KIF1A: variants seen among roughly 807,000 people sequenced by gnomAD.
KIF1A encodes kinesin family member 1A, also known as kinesin-like protein KIF1A.
A neutral mutation model predicts 227.3 loss-of-function variants in KIF1A; 46 were observed. That is an observed-to-expected ratio of 0.20 (90% CI 0.16 to 0.26). KIF1A has a LOEUF of 0.26. KIF1A is among the 10% of genes least tolerant of loss of function. The pLI is 1.00. For synonymous variants in KIF1A, 1,022 were observed against 1,012.8 expected (o/e 1.01, Z -0.17); for missense variants, 1,683 against 2,485.9 (o/e 0.68, Z 6.87).
intron 45 of KIF1A, 58 bp downstream of exon 45, chr2:240,720,856 A>C: frequency 1.3e-6 from 2 of 1,490,250 alleles, no homozygotes; most frequent in East Asian, 2.5e-5. Flanking sequence ...AGTCACGGCC[A>C]TGGTCATGGG....
chr2:240,739,292 A>G lies in KIF1A; in HGVS notation c.3901+766T>C, dbSNP rs968608651. 1.3e-5 allele frequency among the ~76,000 whole-genome samples: 2 copies of G among 152,224 alleles called. No homozygotes were observed. The highest frequency in any genetic ancestry group is 2.9e-5 in the Non-Finnish European group (2 of 68,036). On this transcript the variant is annotated intron_variant, in intron 37 of 48. Coordinates refer to ENST00000498729, the MANE Select transcript of KIF1A (RefSeq NM_001244008.2). The surrounding 1 kb of genome is among the most constrained non-coding windows in gnomAD (Gnocchi z 5.6). ...TGACTGTCTGCCTCCTTGAATGAAAACTGAGAAGACAAATTCTTTCCGCTT... is the reference window on the plus strand; with the variant it reads ...TGACTGTCTGCCTCCTTGAATGAAAGCTGAGAAGACAAATTCTTTCCGCTT...
chr2:240,723,967 ATACC>A lies in KIF1A; in HGVS notation c.4318+4_4318+7del. The A allele has an allele frequency of 6.2e-7, 1 of 1,610,714 alleles. No individual in the cohort carries two copies. The highest frequency in any genetic ancestry group is 8.5e-7 in the Non-Finnish European group (1 of 1,178,054). ...AACCCACCCAGTGAGAGCAGGGCAG[ATACC>A]TACCTGGGCTGCCCGCGTCAGCCAC... is the stretch of plus-strand genomic sequence containing the variant. On this transcript the variant is annotated splice_donor_5th_base_variant and intron_variant, in intron 41 of 48. Coordinates refer to ENST00000498729, the MANE Select transcript of KIF1A (RefSeq NM_001244008.2).
chr2:240,782,692 G>T, intron 9 of KIF1A, 85 bp from the exon 10 acceptor site: 1 of 1,390,028 alleles, frequency 7.2e-7, no homozygotes, highest in South Asian at 1.2e-5. Context: ...CGGCCCGGCT[G>T]CCTCGCCCTG....
intron 1 of KIF1A, among the ~76,000 whole-genome samples, chr2:240,800,212 A>G (rs757267046): frequency 3.3e-5 from 5 of 152,092 alleles, no homozygotes; most frequent in Non-Finnish European, 5.9e-5. Flanking sequence ...GCTCTCCCGT[A>G]TTGAAAAAAT....
rs1422731203 is a variant in KIF1A, at chr2:240,810,806, G to T, written c.-61+9316C>A. On this transcript the variant is annotated intron_variant, in intron 1 of 48. Transcript: ENST00000498729. ...GTGGAGGGGGTCTAAGGGCCTGGAC[G>T]CCACCAAGGCCACTCGATGTGCCCG... 2.6e-5 allele frequency among the ~76,000 whole-genome samples: 4 copies of T among 152,170 alleles called. No homozygotes were observed. In the South Asian group the frequency reaches 6.2e-4, roughly 24 times the overall value.
chr2:240,773,090 G>A, intron 13 of KIF1A, 24 bp downstream of exon 13: 1 of 1,596,904 alleles, frequency 6.3e-7, no homozygotes, highest in Non-Finnish European at 8.5e-7. Context: ...ACCCTGTCCA[G>A]GACAGGCTGG....
chr2:240,799,151 G>A (rs1299949242), intron 1 of KIF1A, among the ~76,000 whole-genome samples: 1 of 152,212 alleles, frequency 6.6e-6, no homozygotes, highest in Non-Finnish European at 1.5e-5. Flanking sequence ...GGAAGGGTCT[G>A]TCTGCAGAAG....
chr2:240,718,728 G>A (rs983949794), intron 47 of KIF1A, among the ~76,000 whole-genome samples: 6 of 152,216 alleles, frequency 3.9e-5, no homozygotes, highest in African/African-American at 1.2e-4. Flanking sequence ...ACATGGCTGT[G>A]GCCATCACAC....
intron 38 of KIF1A, among the ~76,000 whole-genome samples, chr2:240,728,938 G>A (rs2046316388): frequency 6.6e-6 from 1 of 152,192 alleles, no homozygotes; most frequent in Non-Finnish European, 1.5e-5. Flanking sequence ...CAGATTAAAT[G>A]AGCTAATACT....
Position 240,723,473 on chromosome 2 carries a change from C to G in KIF1A, c.4404G>C (p.Arg1468=). ...GEENLAGWRP[R]SDSLILDHQW... is the part of the protein sequence containing the mutation. ...GGTGGTCCAGAATGAGACTGTCACT[C>G]CGGGGCCTCCAGCCTGCCAGGTTCT... The change falls in exon 42 of 49, where the codon CGG becomes CGC. Residue 1468 remains arginine (R), a synonymous_variant. Coordinates refer to ENST00000498729, the MANE Select transcript of KIF1A (RefSeq NM_001244008.2). 2 of 1,552,108 alleles carry G rather than the reference C, an allele frequency of 1.3e-6. No individual in the cohort carries two copies. The highest frequency in any genetic ancestry group is 1.7e-6 in the Non-Finnish European group (2 of 1,148,108).
chr2:240,744,752 T>C (rs1575561386), intron 32 of KIF1A, among the ~76,000 whole-genome samples: 1 of 152,312 alleles, frequency 6.6e-6, no homozygotes, highest in South Asian at 2.1e-4. Flanking sequence ...TCTGTTGTTT[T>C]TAGATGCCCC....
intron 1 of KIF1A, among the ~76,000 whole-genome samples, chr2:240,817,930 C>T (rs2058445037): frequency 6.6e-6 from 1 of 152,242 alleles, no homozygotes; most frequent in African/African-American, 2.4e-5. Flanking sequence ...AGTTTTAATC[C>T]TGATCCAGCC....
intron 32 of KIF1A, among the ~76,000 whole-genome samples, chr2:240,744,291 C>T (rs1419029516): frequency 1.3e-5 from 2 of 152,126 alleles, no homozygotes; most frequent in Non-Finnish European, 2.9e-5. Context: ...CTCTCCAGGA[C>T]GAACAGGGGC....
At position 240,766,149 on chromosome 2, in the gene KIF1A, G is replaced by A. The variant is rs1434518569; in HGVS notation, c.1685-356C>T. Among the ~76,000 whole-genome samples, 1 of 152,248 alleles carries A rather than the reference G, an allele frequency of 6.6e-6. No individual in the cohort carries two copies. The highest frequency in any genetic ancestry group is 2.4e-5 in the African/African-American group (1 of 41,466). ...CCGTCCCACAGGAGAGGGTAGGCAG[G>A]GCTTTGCAGTCAGAGAATTCCAGGA... On this transcript the variant is annotated intron_variant, in intron 19 of 48. Transcript: ENST00000498729. The surrounding 1 kb of genome is among the most constrained non-coding windows in gnomAD (Gnocchi z 5.0).
chr2:240,788,953 A>G lies in KIF1A; in HGVS notation c.183+283T>C, dbSNP rs2055293041. Among the ~76,000 whole-genome samples the G allele has an allele frequency of 1.3e-5, 2 of 152,106 alleles. No individual in the cohort carries two copies. The highest frequency in any genetic ancestry group is 1.3e-4 in the Admixed American group (2 of 15,278). The stretch of plus-strand genomic sequence containing the variant: ...GACAGGCTCAGGGTCAGCTTTGGGC[A>G]TTCTGACTTTGGGATGTCTGGGGGA... On this transcript the variant is annotated intron_variant, in intron 3 of 48. Transcript: ENST00000498729. The surrounding 1 kb of genome is among the most constrained non-coding windows in gnomAD (Gnocchi z 6.6).
chr2:240,748,751 A>G, intron 28 of KIF1A: 1 of 236,308 alleles, frequency 4.2e-6, no homozygotes, highest in Non-Finnish European at 9.6e-6. Flanking sequence ...GTGGTATCAC[A>G]GTGACTGGAT....
chr2:240,773,332 C>T, intron 12 of KIF1A, 76 bp from the exon 13 acceptor site: 2 of 1,567,860 alleles, frequency 1.3e-6, no homozygotes, highest in Non-Finnish European at 1.7e-6. Context: ...GCCTAGAGCC[C>T]TGCCCAAGAC....
chr2:240,757,677 G>C lies in KIF1A; in HGVS notation c.2583-83C>G. On this transcript the variant is annotated intron_variant, in intron 26 of 48. Coordinates refer to ENST00000498729, the MANE Select transcript of KIF1A (RefSeq NM_001244008.2). This position sits in a 1 kb window ranked among gnomAD's most constrained non-coding sequence, Gnocchi z 6.2. ...CAGGGGCCGGGGCCGGGGCTGGGGG[G>C]CTTCTGTTTAAAACCAAAACCAAAC... The C allele has an allele frequency of 7.0e-7, 1 of 1,426,406 alleles. No homozygotes were observed. The highest frequency in any genetic ancestry group is 9.4e-7 in the Non-Finnish European group (1 of 1,062,336). 88.4% of individuals were successfully genotyped at this position (1,426,406 alleles called of 1,614,324 possible). A position where few individuals can be genotyped will look rare whatever the true frequency, so the allele number is the denominator to read the frequency against.
Position 240,740,325 on chromosome 2 carries a change from T to C in KIF1A, c.3789A>G (p.Pro1263=). Residue 1263 remains proline, a synonymous_variant, in exon 36 of 49, where the codon CCA becomes CCG. Coordinates refer to ENST00000498729, the MANE Select transcript of KIF1A (RefSeq NM_001244008.2). This position sits in a 1 kb window ranked among gnomAD's most constrained non-coding sequence, Gnocchi z 6.1. Reference sequence around the variant, plus strand: ...GGTGGAGGAGGAAGGTCCCCATGCATGGCATGCCCCCACGGTGGTCCACCA... The same window carrying C: ...GGTGGAGGAGGAAGGTCCCCATGCACGGCATGCCCCCACGGTGGTCCACCA... ...PAVVDHRGGM[P]CMGTFLLHQG... 6.2e-7 allele frequency: 1 copy of C among 1,613,556 alleles called. No individual in the cohort carries two copies. Among genetic ancestry groups the C allele is most frequent in the Non-Finnish European group, 8.5e-7 (1 of 1,179,744 alleles).
Sources: gnomAD v4.1 joint callset for allele counts (sites outside exome capture counted in the v4.1 genomes callset) on GRCh38, gnomAD v4.1.1 for gene constraint, Gnocchi (gnomAD v3.1) non-coding constraint, MANE v1.5 for transcripts, NCBI Gene and HGNC (gene_info 2026-07-23, HGNC 2026-07-21) for gene names.